Variants in SKAP1 observed in about 807,000 individuals in gnomAD.
SKAP1 encodes src kinase-associated phosphoprotein 1.
Under a neutral mutation model 58.5 loss-of-function variants are expected in SKAP1, and 44 were observed. That is an observed-to-expected ratio of 0.75 (90% CI 0.59 to 0.97). The LOEUF (loss-of-function observed/expected upper bound fraction) is 0.97, where lower values mean the gene tolerates loss of function less well. SKAP1 is among the 50% of genes least tolerant of loss of function. The pLI, the probability that SKAP1 is intolerant of heterozygous loss-of-function variation, is 0.00. For synonymous variants in SKAP1, 127 were observed against 149.7 expected, an observed-to-expected ratio of 0.85 and a Z score of 1.11; for missense variants, 390 against 435.2, an observed-to-expected ratio of 0.90 and a Z score of 0.92.
At chr17:48,172,716 T>C (rs2064233399) in intron 9 of SKAP1, among the ~76,000 whole-genome samples, 1 of 152,232 alleles carries the variant, frequency 6.6e-6, no homozygotes, top group South Asian at 2.1e-4. Context: ...AAATGAAACT[T>C]TGACATTTCT....
At chr17:48,236,961 A>G (rs904377149) in intron 4 of SKAP1, among the ~76,000 whole-genome samples, 2 of 152,182 alleles carry the variant, frequency 1.3e-5, no homozygotes, top group Non-Finnish European at 2.9e-5. Context: ...TCAAAACAAC[A>G]GTAAGAGGTA....
At chr17:48,442,113 A>C in the SKAP1 span, among the ~76,000 whole-genome samples, 1 of 152,102 alleles carries the variant, frequency 6.6e-6, no homozygotes, top group Non-Finnish European at 1.5e-5. Context: ...GAGGAGGAGG[A>C]GGCAACCATT....
At chr17:48,307,832 A>G (rs2066168130) in intron 4 of SKAP1, 1 of 152,226 alleles carries the variant, frequency 6.6e-6, no homozygotes, top group African/African-American at 2.4e-5. Context: ...ATTTACAACT[A>G]CAGCTTCAGT....
chr17:48,168,165 A>C (rs745746031), intron 10 of SKAP1, among the ~76,000 whole-genome samples: 1 of 152,142 alleles, frequency 6.6e-6, no homozygotes, highest in Non-Finnish European at 1.5e-5. Context: ...TTCTGATAAG[A>C]TCTAGTTAGG....
intron 1 of SKAP1, among the ~76,000 whole-genome samples, chr17:48,397,866 C>T (rs2067441198): frequency 1.3e-5 from 2 of 149,422 alleles, no homozygotes; most frequent in South Asian, 4.2e-4. Flanking sequence ...GAAGAAATTG[C>T]AGAGGGGGGG....
At chr17:48,244,141 TGC>T (rs1383485973) in intron 4 of SKAP1, among the ~76,000 whole-genome samples, 4 of 152,268 alleles carry the variant, frequency 2.6e-5, no homozygotes, top group Non-Finnish European at 5.9e-5. Context: ...AATGTGGTTC[TGC>T]TTTCAGTGTG....
At chr17:48,298,991 G>T (rs952127242) in intron 4 of SKAP1, among the ~76,000 whole-genome samples, 2 of 152,152 alleles carry the variant, frequency 1.3e-5, no homozygotes, top group Non-Finnish European at 2.9e-5. Context: ...ACTGGATTTT[G>T]TGTATGGAGA....
intron 1 of SKAP1, among the ~76,000 whole-genome samples, chr17:48,411,398 CAAATAAAT>C (rs55868728): frequency 0.1 from 15,249 of 147,216 alleles, 992 homozygotes; most frequent in Middle Eastern, 0.16. Context: ...GATTCCATCT[CAAATAAAT>C]AAATAAATAA....
At chr17:48,360,496 T>C (rs1371995688) in intron 3 of SKAP1, among the ~76,000 whole-genome samples, 5 of 152,168 alleles carry the variant, frequency 3.3e-5, no homozygotes, top group Admixed American at 3.3e-4. Context: ...AAAAATTCCA[T>C]GGCAAAAACT....
chr17:48,365,214 T>C (rs1192228434), intron 2 of SKAP1, among the ~76,000 whole-genome samples: 2 of 152,144 alleles, frequency 1.3e-5, no homozygotes, highest in Non-Finnish European at 2.9e-5. Context: ...TCCCAAAGTG[T>C]TGGGATTGCA....
At chr17:48,216,474 C>T (rs1265875285) in intron 4 of SKAP1, among the ~76,000 whole-genome samples, 1 of 151,510 alleles carries the variant, frequency 6.6e-6, no homozygotes, top group East Asian at 1.9e-4. Context: ...TTTGCACAAG[C>T]ACCCAATACT....
intron 4 of SKAP1, among the ~76,000 whole-genome samples, chr17:48,268,286 C>T (rs1470831): frequency 0.79 from 118,644 of 150,112 alleles, 47,038 homozygotes; most frequent in East Asian, 0.95. Context: ...AAAAAACCCA[C>T]ACCTGTGTTA....
At chr17:48,371,561 A>G (rs142081943) in intron 2 of SKAP1, among the ~76,000 whole-genome samples, 1 of 145,344 alleles carries the variant, frequency 6.9e-6, no homozygotes, top group Non-Finnish European at 1.5e-5. Context: ...TCACACCTGT[A>G]ATCCCAGCAC....
chr17:48,260,794 G>A (rs148572204), intron 4 of SKAP1, among the ~76,000 whole-genome samples: 422 of 152,244 alleles, frequency 2.8e-3, no homozygotes, highest in Non-Finnish European at 4.7e-3. Flanking sequence ...TCTCGAATCA[G>A]CTTTTCTCCT....
At chr17:48,328,836 T>G (rs1016905323) in intron 4 of SKAP1, among the ~76,000 whole-genome samples, 9 of 152,196 alleles carry the variant, frequency 5.9e-5, no homozygotes, top group African/African-American at 2.2e-4. Context: ...TCCTTTCTAC[T>G]TTCCCTCGCC....
chr17:48,243,360 CT>C, intron 4 of SKAP1, among the ~76,000 whole-genome samples: 1 of 152,268 alleles, frequency 6.6e-6, no homozygotes, highest in African/African-American at 2.4e-5. Flanking sequence ...AACTTCTTCC[CT>C]TTGTTCTATA....
chr17:48,266,635 C>T (rs939184161), intron 4 of SKAP1, among the ~76,000 whole-genome samples: 2 of 151,508 alleles, frequency 1.3e-5, no homozygotes, highest in Non-Finnish European at 2.9e-5. Flanking sequence ...CTCAGCCTCC[C>T]GAGTAGCTGG....
intron 4 of SKAP1, among the ~76,000 whole-genome samples, chr17:48,343,070 AT>A (rs1040134373): frequency 8.5e-5 from 13 of 152,206 alleles, no homozygotes; most frequent in Non-Finnish European, 1.6e-4. Flanking sequence ...CTAACTTTAT[AT>A]TTTTTTATTT....
chr17:48,265,474 C>T (rs901125114), intron 4 of SKAP1, among the ~76,000 whole-genome samples: 3 of 149,120 alleles, frequency 2.0e-5, no homozygotes, highest in Admixed American at 1.3e-4. Context: ...CACTGCACTC[C>T]AGCCTGGGCC....
Sources: allele counts gnomAD v4.1 joint callset (sites outside exome capture counted in the v4.1 genomes callset), GRCh38; gene constraint gnomAD v4.1.1; transcripts MANE v1.5; gene names NCBI Gene and HGNC (gene_info 2026-07-23, HGNC 2026-07-21).